Variants in SNX32 observed in about 807,000 individuals in gnomAD.
The protein encoded by SNX32 is sorting nexin 32.
SNX32 carries 58 observed loss-of-function variants against 57.0 expected under a neutral mutation model. The observed-to-expected ratio is 1.02, with a 90% CI of 0.82 to 1.27. The LOEUF (loss-of-function observed/expected upper bound fraction) is 1.27, where lower values mean the gene tolerates loss of function less well. Among genes scored for constraint, SNX32 ranks in the 50% most tolerant of loss-of-function variants. The probability of loss-of-function intolerance (pLI) is 0.00; values close to 1 mark genes in which losing one functional copy is unlikely to be tolerated. For synonymous variants in SNX32, 262 were observed against 220.4 expected (o/e 1.19, Z -1.67); for missense variants, 589 against 541.2 (o/e 1.09, Z -0.88).
chr11:65,850,790 G>C lies in SNX32; in HGVS notation c.538G>C (p.Gly180Arg). Reference protein sequence around the residue: ...RGKNRKELLGGFLRNIVKSAD... With the variant: ...RGKNRKELLGRFLRNIVKSAD... ...GAAGAACAGGAAGGAGCTCCTCGGA[G>C]GGTTTCTGAGGAATATTGTGAAGTC... The change falls in exon 6 of 13, where the codon GGG becomes CGG. Residue 180 changes from glycine (G) to arginine (R), a missense_variant. By Grantham distance (125) the Gly-to-Arg change is moderately radical. Coordinates refer to ENST00000308342, the MANE Select transcript of SNX32 (RefSeq NM_152760.3). 1 of 1,614,116 alleles carries C rather than the reference G, an allele frequency of 6.2e-7. No individual in the cohort carries two copies. Among genetic ancestry groups the C allele is most frequent in the South Asian group, 1.1e-5 (1 of 91,066 alleles).
In SNX32 at chr11:65,849,991, T is replaced by C. The variant is rs1338066670; in HGVS notation, c.213T>C (p.His71=). The C allele has an allele frequency of 2.5e-6, 4 of 1,612,510 alleles. No homozygotes were observed. Among genetic ancestry groups the C allele is most frequent in the Non-Finnish European group, 3.4e-6 (4 of 1,178,832 alleles). The part of the protein sequence containing the change: ...VRQHEEFIWL[H]DAYVENEEYA... ...AGCACGAGGAGTTCATCTGGCTGCA[T>C]GATGCCTACGTGGAGAATGAGGAGT... Residue 71 remains histidine (H), a synonymous_variant, in exon 3 of 13, where the codon CAT becomes CAC. Coordinates refer to ENST00000308342, the MANE Select transcript of SNX32 (RefSeq NM_152760.3).
At chr11:65,851,586 G>A (rs1031530780) in intron 8 of SNX32, 54 bp from the exon 9 acceptor site, 27 of 1,599,304 alleles carry the variant, frequency 1.7e-5, no homozygotes, top group Middle Eastern at 1.7e-4. Flanking sequence ...AGACAGAGAG[G>A]CTTTGAGCTG....
chr11:65,850,220 A>ACAG lies in SNX32; in HGVS notation c.325_327dup (p.Ser110dup). 1.2e-6 allele frequency: 2 copies of ACAG among 1,614,182 alleles called. No individual in the cohort carries two copies. Among genetic ancestry groups the ACAG allele is most frequent in the Non-Finnish European group, 1.7e-6 (2 of 1,180,020 alleles). The stretch of plus-strand genomic sequence containing the variant: ...AAGCTACAGAAATTGGGCGAGGGGG[A>ACAG]CAGCTCTGTCACTCGGGAAGAGTTT... On this transcript the variant is annotated inframe_insertion, in exon 4 of 13. Coordinates refer to ENST00000308342, the MANE Select transcript of SNX32 (RefSeq NM_152760.3).
intron 1 of SNX32, among the ~76,000 whole-genome samples, chr11:65,839,223 G>GTTTGTTTTTTTTTTTTTT (rs755185237): frequency 8.7e-5 from 2 of 23,078 alleles, no homozygotes; most frequent in Non-Finnish European, 1.4e-4. Flanking sequence ...TAATTTTTTT[G>GTTTGTTTTTTTTTTTTTT]TATTTTTTTT....
chr11:65,834,620 T>C (rs543677017), intron 1 of SNX32, among the ~76,000 whole-genome samples: 39 of 151,004 alleles, frequency 2.6e-4, no homozygotes, highest in Admixed American at 5.9e-4. Context: ...TCTGTGTGTA[T>C]GGTCTGCATG....
intron 1 of SNX32, among the ~76,000 whole-genome samples, chr11:65,841,079 G>C (rs1213580863): frequency 6.6e-6 from 1 of 151,666 alleles, no homozygotes; most frequent in Non-Finnish European, 1.5e-5. Flanking sequence ...TGAGTAGCTG[G>C]GATTACAAGC....
chr11:65,852,604 C>T, intron 10 of SNX32, 26 bp from the exon 11 acceptor site: 4 of 1,613,516 alleles, frequency 2.5e-6, no homozygotes, highest in Non-Finnish European at 3.4e-6. Context: ...GACAGGGCAG[C>T]AGTGACCCTG....
chr11:65,845,159 GCTGGGTGTGGTGGCTCA>G (rs1203312553), intron 1 of SNX32, among the ~76,000 whole-genome samples: 1 of 143,432 alleles, frequency 7.0e-6, no homozygotes, highest in African/African-American at 2.6e-5. Context: ...AAAAAAAAAG[GCTGGGTGTGGTGGCTCA>G]CTCCTGTAAT....
chr11:65,842,864 C>G (rs1413190041), intron 1 of SNX32, among the ~76,000 whole-genome samples: 1 of 140,720 alleles, frequency 7.1e-6, no homozygotes. Flanking sequence ...GCAGGAGAAT[C>G]GCTTGAACCT....
At chr11:65,849,854 T>C (rs984078801) in intron 2 of SNX32, 66 bp from the exon 3 acceptor site, 2 of 1,340,154 alleles carry the variant, frequency 1.5e-6, no homozygotes, top group Non-Finnish European at 1.0e-6. Context: ...CAAAAGTGCA[T>C]GCCCAGACTT....
Position 65,850,462 on chromosome 11 carries a change from G to A in SNX32, c.406G>A (p.Ala136Thr), listed in dbSNP as rs1359815699. ...CCTGGCCATCTTTAAGAAGACAGTTGCGATGCACGAAGTCTTTCTGCAGCG... is the reference window on the plus strand; with the variant it reads ...CCTGGCCATCTTTAAGAAGACAGTTACGATGCACGAAGTCTTTCTGCAGCG... ...EYLAIFKKTVAMHEVFLQRLA... is the reference protein window; with the variant it reads ...EYLAIFKKTVTMHEVFLQRLA... Residue 136 changes from alanine to threonine, a missense_variant, in exon 5 of 13, where the codon GCG (alanine) becomes ACG (threonine). Transcript: ENST00000308342. The A allele has an allele frequency of 6.2e-7, 1 of 1,614,220 alleles. No individual in the cohort carries two copies. Among genetic ancestry groups the A allele is most frequent in the Admixed American group, 1.7e-5 (1 of 60,028 alleles).
At position 65,852,932 on chromosome 11, in the gene SNX32, G is replaced by A. The variant is rs1309959507; in HGVS notation, c.1132G>A (p.Ala378Thr). ...SSFRKNLIELAELELKHAKAS... is the reference protein window; with the variant it reads ...SSFRKNLIELTELELKHAKAS... Reference sequence around the variant, plus strand: ...TTTTCGAAAGAATCTCATTGAGCTGGCAGAGCTGGAGCTCAAACACGCCAA... The same window carrying A: ...TTTTCGAAAGAATCTCATTGAGCTGACAGAGCTGGAGCTCAAACACGCCAA... The change falls in exon 12 of 13, where the codon GCA becomes ACA. Residue 378 changes from alanine (A) to threonine (T), a missense_variant. By Grantham distance (58) the Ala-to-Thr change is moderately conservative (BLOSUM62 0). Transcript: ENST00000308342. 16 of 1,613,998 alleles carry A rather than the reference G, an allele frequency of 9.9e-6. No individual in the cohort carries two copies. Among genetic ancestry groups the A allele is most frequent in the Non-Finnish European group, 1.3e-5 (15 of 1,180,006 alleles).
rs779957839 is a variant in SNX32 at position 65,852,907 on chromosome 11, T to G, written c.1107T>G (p.Ser369=). 1 of 1,614,098 alleles carries G rather than the reference T, an allele frequency of 6.2e-7. No homozygotes were observed. Among genetic ancestry groups the G allele is most frequent in the Non-Finnish European group, 8.5e-7 (1 of 1,179,998 alleles). The change falls in exon 12 of 13, where the codon TCT becomes TCG. Residue 369 remains serine, a synonymous_variant. Coordinates refer to ENST00000308342, the MANE Select transcript of SNX32 (RefSeq NM_152760.3). ...ACTTCAAGTCCCGCCGGGTCTCCTCTTTTCGAAAGAATCTCATTGAGCTGG... is the reference window on the plus strand; with the variant it reads ...ACTTCAAGTCCCGCCGGGTCTCCTCGTTTCGAAAGAATCTCATTGAGCTGG... ...LMDFKSRRVS[S]FRKNLIELAE... is the part of the protein sequence containing the mutation.
chr11:65,849,895 C>G, intron 2 of SNX32, 25 bp from the exon 3 acceptor site: 1 of 1,536,194 alleles, frequency 6.5e-7, no homozygotes, highest in East Asian at 2.3e-5. Flanking sequence ...AGAGAGAGGA[C>G]CTCAGTTGGC....
chr11:65,851,994 C>T (rs1565254997), intron 9 of SNX32, among the ~76,000 whole-genome samples: 2 of 152,166 alleles, frequency 1.3e-5, no homozygotes, highest in African/African-American at 4.8e-5. Flanking sequence ...CCCGGGCACA[C>T]ATGTTCCCCA....
chr11:65,835,353 C>T (rs1221306437), intron 1 of SNX32, among the ~76,000 whole-genome samples: 1 of 42,040 alleles, frequency 2.4e-5, no homozygotes, highest in Non-Finnish European at 4.9e-5. Flanking sequence ...GAGGTGAGGG[C>T]GGGGAGGAGG....
intron 2 of SNX32, 43 bp downstream of exon 2, chr11:65,849,625 C>T (rs373455761): frequency 1.4e-4 from 198 of 1,446,278 alleles, no homozygotes; most frequent in Non-Finnish European, 1.7e-4. Flanking sequence ...GGTGGCTGCC[C>T]GCAGGAGGCC....
At chr11:65,849,437 G>C (rs758760912) in intron 1 of SNX32, 41 bp from the exon 2 acceptor site, 17 of 1,508,056 alleles carry the variant, frequency 1.1e-5, no homozygotes, top group Non-Finnish European at 1.5e-5. Context: ...AGGGCAAAGG[G>C]GCCATGCTCA....
rs761933705 is a variant in SNX32 at position 65,851,133 on chromosome 11, GC to G, written c.684del (p.Asp229ThrfsTer21). ...HTRIRDACLR[A>X]DRVMRAHKCL... ...CCGTATCCGAGATGCCTGCCTGCGGGCCGACCGCGTCATGCGCGCCCACAAG... is the reference window on the plus strand; with the variant it reads ...CCGTATCCGAGATGCCTGCCTGCGGGCGACCGCGTCATGCGCGCCCACAAG... On this transcript the variant is annotated frameshift_variant, in exon 7 of 13. Transcript: ENST00000308342. LOFTEE classifies it high-confidence loss of function. 6.2e-7 allele frequency: 1 copy of G among 1,613,104 alleles called. No individual in the cohort carries two copies.
Sources: allele counts gnomAD v4.1 joint callset (sites outside exome capture counted in the v4.1 genomes callset), GRCh38; gene constraint gnomAD v4.1.1; transcripts MANE v1.5; gene names NCBI Gene and HGNC (gene_info 2026-07-23, HGNC 2026-07-21).